Variants in SBF2 observed in about 807,000 individuals in gnomAD.
SBF2 encodes SET binding factor 2.
In SBF2, 112 loss-of-function variants were observed where a neutral mutation model predicts 225.2. The observed-to-expected ratio is 0.50, with a 90% CI of 0.43 to 0.58. The LOEUF (loss-of-function observed/expected upper bound fraction) is 0.58, where lower values mean the gene tolerates loss of function less well. Ranked by LOEUF, SBF2 falls within the 20% of genes least tolerant of loss-of-function variation. The probability of loss-of-function intolerance (pLI) is 0.00; values close to 1 mark genes in which losing one functional copy is unlikely to be tolerated. For synonymous variants in SBF2, 763 were observed against 773.3 expected, an observed-to-expected ratio of 0.99 and a Z score of 0.22; for missense variants, 1,996 against 2,206.2, an observed-to-expected ratio of 0.90 and a Z score of 1.91.
intron 2 of SBF2, among the ~76,000 whole-genome samples, chr11:10,161,184 C>CAAAAAAA: frequency 1.3e-5 from 1 of 75,348 alleles, no homozygotes; most frequent in Non-Finnish European, 2.5e-5. Context: ...GACTCTGTCT[C>CAAAAAAA]AAAAAAAAAA....
At chr11:9,956,333 AATCTTATTTCTCAT>A (rs1866162229) in intron 16 of SBF2, among the ~76,000 whole-genome samples, 1 of 152,194 alleles carries the variant, frequency 6.6e-6, no homozygotes, top group Non-Finnish European at 1.5e-5. Context: ...AATGACCAAT[AATCTTATTTCTCAT>A]ATCTTATTAA....
At chr11:10,007,276 A>G (rs1317702115) in intron 6 of SBF2, among the ~76,000 whole-genome samples, 4 of 151,968 alleles carry the variant, frequency 2.6e-5, no homozygotes, top group Non-Finnish European at 5.9e-5. Flanking sequence ...TTTTTTTCTC[A>G]TCTATTCTCT....
rs772156530 is a variant in SBF2 at position 9,795,889 on chromosome 11, A to G, written c.4512T>C (p.Tyr1504=). The change falls in exon 33 of 40, where the codon TAT becomes TAC. Residue 1504 remains tyrosine, a synonymous_variant. Transcript: ENST00000256190. ...GAAATGTTTTAAAGCGATTAGACACATAGTGGAAAGCCAAGAACTTTAAGT... is the reference window on the plus strand; with the variant it reads ...GAAATGTTTTAAAGCGATTAGACACGTAGTGGAAAGCCAAGAACTTTAAGT... ...LYYLKFLAFH[Y]VSNRFKTFLL... 53 of 1,613,828 alleles carry G rather than the reference A, an allele frequency of 3.3e-5. No homozygotes were observed. The highest frequency in any genetic ancestry group is 1.6e-4 in the Middle Eastern group (1 of 6,062).
At chr11:9,834,472 A>G (rs1855615137) in intron 26 of SBF2, among the ~76,000 whole-genome samples, 1 of 152,206 alleles carries the variant, frequency 6.6e-6, no homozygotes, top group Admixed American at 6.5e-5. Flanking sequence ...CCTTATCTTG[A>G]TAAGAACCAG....
intron 1 of SBF2, among the ~76,000 whole-genome samples, chr11:10,256,050 A>G (rs1455608141): frequency 6.6e-6 from 1 of 152,234 alleles, no homozygotes; most frequent in East Asian, 1.9e-4. Flanking sequence ...TCCAATTGCC[A>G]AACTATATGC....
In SBF2 at chr11:9,980,738, C is replaced by T. The variant is rs1169829111; in HGVS notation, c.1395+8759G>A. The stretch of plus-strand genomic sequence containing the variant: ...GGACTACAGGCGCCTGACACCGCGC[C>T]CGGCTAATTTTTTGTATTTTTTGTA... On this transcript the variant is annotated intron_variant, in intron 13 of 39. Coordinates refer to ENST00000256190, the MANE Select transcript of SBF2 (RefSeq NM_030962.4). Among the ~76,000 whole-genome samples the T allele has an allele frequency of 2.6e-5, 4 of 151,964 alleles. No individual in the cohort carries two copies. The South Asian group carries it at 6.3e-4, about 24-fold the overall frequency.
chr11:10,179,735 T>C (rs983725757), intron 2 of SBF2, among the ~76,000 whole-genome samples: 2 of 152,198 alleles, frequency 1.3e-5, no homozygotes, highest in Admixed American at 6.5e-5. Flanking sequence ...TCCTGCCATT[T>C]TGTTATTTGT....
At chr11:9,974,981 A>AAAAAAAAAAAAAAAAAAAAG in intron 13 of SBF2, among the ~76,000 whole-genome samples, 1 of 74,928 alleles carries the variant, frequency 1.3e-5, no homozygotes, top group Non-Finnish European at 3.3e-5. Context: ...AAAAAAAAAA[A>AAAAAAAAAAAAAAAAAAAAG]AAAAAAAGAA....
chr11:10,015,513 T>C (rs936283006), intron 6 of SBF2, among the ~76,000 whole-genome samples: 7 of 152,224 alleles, frequency 4.6e-5, no homozygotes, highest in Admixed American at 2.0e-4. Context: ...AGTCATACTA[T>C]ATTACTCTGA....
At chr11:10,070,140 G>C (rs958725524) in intron 2 of SBF2, among the ~76,000 whole-genome samples, 4 of 151,860 alleles carry the variant, frequency 2.6e-5, no homozygotes, top group African/African-American at 9.7e-5. Flanking sequence ...TCTTTTGCTG[G>C]GCAGAAGCTC....
chr11:9,816,735 A>C, intron 29 of SBF2, 105 bp downstream of exon 29: 3 of 1,083,910 alleles, frequency 2.8e-6, no homozygotes, highest in Non-Finnish European at 4.1e-6. Flanking sequence ...CAGGTTAAGA[A>C]TCATGCTGTA....
intron 14 of SBF2, among the ~76,000 whole-genome samples, chr11:9,967,951 C>G (rs7942648): frequency 0.046 from 4,446 of 97,026 alleles, 82 homozygotes; most frequent in East Asian, 0.095. Context: ...CTGTCTGTCT[C>G]TCTCTCTCTC....
At chr11:10,091,563 G>GA (rs1951783571) in intron 2 of SBF2, among the ~76,000 whole-genome samples, 1 of 152,146 alleles carries the variant, frequency 6.6e-6, no homozygotes, top group Admixed American at 6.5e-5. Flanking sequence ...AAGCTCTCAG[G>GA]AATGTTGCCT....
intron 2 of SBF2, among the ~76,000 whole-genome samples, chr11:10,117,528 A>G (rs1398840659): frequency 6.6e-6 from 1 of 152,098 alleles, no homozygotes; most frequent in East Asian, 1.9e-4. Context: ...TAAAATCACA[A>G]ATGGGACCCA....
intron 39 of SBF2, chr11:9,780,930 T>A: frequency 3.3e-6 from 1 of 304,506 alleles, no homozygotes; most frequent in Non-Finnish European, 6.4e-6. Context: ...TCCCCTTTCT[T>A]TAGTTGGAGC....
chr11:9,999,439 C>T (rs1947856290), intron 8 of SBF2, among the ~76,000 whole-genome samples: 1 of 152,076 alleles, frequency 6.6e-6, no homozygotes, highest in African/African-American at 2.4e-5. Context: ...TCCTGCCTCA[C>T]CCTCCTGAGT....
chr11:9,782,874 GAAAAAAAA>G (rs56057774), intron 38 of SBF2, among the ~76,000 whole-genome samples: 2 of 114,830 alleles, frequency 1.7e-5, no homozygotes, highest in East Asian at 2.5e-4. Context: ...TGTCTCAAAA[GAAAAAAAA>G]AAAAAAAGAA....
At chr11:10,204,240 CAAAA>C (rs200904886) in intron 1 of SBF2, among the ~76,000 whole-genome samples, 11 of 90,942 alleles carry the variant, frequency 1.2e-4, no homozygotes, top group Admixed American at 2.2e-4. Flanking sequence ...ATACTGAAAG[CAAAA>C]AAAAAAAAAA....
chr11:10,062,481 A>T (rs1383345850), intron 2 of SBF2, among the ~76,000 whole-genome samples: 1 of 152,240 alleles, frequency 6.6e-6, no homozygotes, highest in Non-Finnish European at 1.5e-5. Context: ...AGGAACTTAA[A>T]CAAATTTATA....
Sources: allele counts gnomAD v4.1 joint callset (sites outside exome capture counted in the v4.1 genomes callset), GRCh38; gene constraint gnomAD v4.1.1; transcripts MANE v1.5; gene names NCBI Gene and HGNC (gene_info 2026-07-23, HGNC 2026-07-21).